Variants in HIBCH observed in about 807,000 individuals in gnomAD.
HIBCH encodes 3-hydroxyisobutyryl-CoA hydrolase.
In HIBCH, 50 loss-of-function variants were observed where a neutral mutation model predicts 58.2. The ratio of observed to expected loss-of-function variants is 0.86; its 90% CI spans 0.68 to 1.09. HIBCH has a LOEUF of 1.09. Among genes scored for constraint, HIBCH ranks in the 50% least tolerant of loss-of-function variants. HIBCH has a pLI of 0.00. For synonymous variants in HIBCH, 151 were observed against 146.9 expected, an observed-to-expected ratio of 1.03 and a Z score of -0.20; for missense variants, 450 against 449.7, an observed-to-expected ratio of 1.00 and a Z score of -0.01.
intron 8 of HIBCH, among the ~76,000 whole-genome samples, chr2:190,249,968 T>C (rs1039086952): frequency 2.0e-5 from 3 of 152,214 alleles, no homozygotes; most frequent in African/African-American, 7.2e-5. Flanking sequence ...TAGAGACTTT[T>C]GTTTCTCAGC....
At chr2:190,260,341 A>G (rs1377217298) in intron 7 of HIBCH, 3 of 152,214 alleles carry the variant, frequency 2.0e-5, no homozygotes, top group Admixed American at 6.5e-5. Flanking sequence ...ATGACAAAAG[A>G]TAAGACCTAT....
At chr2:190,273,338 A>G (rs1259049262) in intron 6 of HIBCH, among the ~76,000 whole-genome samples, 2 of 152,238 alleles carry the variant, frequency 1.3e-5, no homozygotes, top group African/African-American at 4.8e-5. Context: ...GGTTGCAGTG[A>G]GCCAAGATCA....
chr2:190,228,538 TA>T (rs2105917413), intron 11 of HIBCH, among the ~76,000 whole-genome samples: 1 of 135,876 alleles, frequency 7.4e-6, no homozygotes, highest in African/African-American at 3.0e-5. Flanking sequence ...CCCTAGAACT[TA>T]AAGTATAATT....
chr2:190,261,236 T>C lies in HIBCH; in HGVS notation c.439-2A>G, dbSNP rs1180861300. 2 of 1,609,452 alleles carry C rather than the reference T, an allele frequency of 1.2e-6. No individual in the cohort carries two copies. Among genetic ancestry groups the C allele is most frequent in the Non-Finnish European group, 1.7e-6 (2 of 1,176,776 alleles). On this transcript the variant is annotated splice_acceptor_variant, in intron 6 of 13. Coordinates refer to ENST00000359678, the MANE Select transcript of HIBCH (RefSeq NM_014362.4). LOFTEE classifies it high-confidence loss of function. ...CCCATGGACTGAGAGACCAACTCCC[T>C]AGAGAAAAAAGGCAAAAAAAGAGGC...
At chr2:190,234,368 C>A in intron 11 of HIBCH, among the ~76,000 whole-genome samples, 1 of 152,170 alleles carries the variant, frequency 6.6e-6, no homozygotes. Flanking sequence ...CTGTTTACAG[C>A]AGAATTATTT....
In HIBCH at chr2:190,306,459, G is replaced by A. The variant is rs1688409161; in HGVS notation, c.78+4295C>T. On this transcript the variant is annotated intron_variant, in intron 2 of 13. Coordinates refer to ENST00000359678, the MANE Select transcript of HIBCH (RefSeq NM_014362.4). This position sits in a 1 kb window ranked among gnomAD's most constrained non-coding sequence, Gnocchi z 4.6. Reference sequence around the variant, plus strand: ...GTAATGTCTTCCTCTGGGACAGACAGCAGACTTATTTACAGCTTACTAAAA... The same window carrying A: ...GTAATGTCTTCCTCTGGGACAGACAACAGACTTATTTACAGCTTACTAAAA... Among the ~76,000 whole-genome samples the A allele has an allele frequency of 6.6e-6, 1 of 152,122 alleles. No homozygotes were observed. The highest frequency in any genetic ancestry group is 1.5e-5 in the Non-Finnish European group (1 of 68,020).
chr2:190,311,425 A>G (rs1436286871), intron 1 of HIBCH, among the ~76,000 whole-genome samples: 4 of 152,230 alleles, frequency 2.6e-5, no homozygotes, highest in South Asian at 2.1e-4. Context: ...CCATCAACTT[A>G]TAACTACTCT....
In HIBCH at chr2:190,302,819, C is replaced by T. The variant is rs148983120; in HGVS notation, c.79-5866G>A. On this transcript the variant is annotated intron_variant, in intron 2 of 13. Coordinates refer to ENST00000359678, the MANE Select transcript of HIBCH (RefSeq NM_014362.4). The stretch of plus-strand genomic sequence containing the variant: ...AACTGAATTACACATTATGACATAA[C>T]CTCAGTGAAGTGACTGTGGTGATAA... Among the ~76,000 whole-genome samples, 36 of 152,200 alleles carry T rather than the reference C, an allele frequency of 2.4e-4. 1 individual carries two copies. In the East Asian group the frequency reaches 7.0e-3, roughly 29 times the overall value.
At chr2:190,258,109 C>T (rs1306897103) in intron 7 of HIBCH, among the ~76,000 whole-genome samples, 1 of 152,028 alleles carries the variant, frequency 6.6e-6, no homozygotes, top group Non-Finnish European at 1.5e-5. Flanking sequence ...GGCAGATTTC[C>T]CCCTTGCTGT....
In HIBCH at chr2:190,254,426, T is replaced by C. The variant is rs534974912; in HGVS notation, c.518-2119A>G. 2.6e-5 allele frequency among the ~76,000 whole-genome samples: 4 copies of C among 152,218 alleles called. No homozygotes were observed. Among genetic ancestry groups the C allele is most frequent in the South Asian group, 4.2e-4 (2 of 4,818 alleles). On this transcript the variant is annotated intron_variant, in intron 7 of 13. Transcript: ENST00000359678. This position sits in a 1 kb window ranked among gnomAD's most constrained non-coding sequence, Gnocchi z 5.0. ...ATCTCAGCCTTTCAATCTCCAGAAC[T>C]GTGAGAAAAAAAATTTCTACTGTTT... is the stretch of plus-strand genomic sequence containing the variant.
intron 6 of HIBCH, among the ~76,000 whole-genome samples, chr2:190,284,756 T>A (rs1687789247): frequency 6.6e-6 from 1 of 152,212 alleles, no homozygotes; most frequent in Non-Finnish European, 1.5e-5. Flanking sequence ...GTTAGCTTTT[T>A]TTTCTTAAGG....
rs570496843 is a variant in HIBCH, at chr2:190,207,046, C to T, written c.1046-1814G>A. ...CTGAGGCAGGAGAATGGTGTGAACCCGGGAGGCGGAGTTTGCAGTGAGCCG... is the reference window on the plus strand; with the variant it reads ...CTGAGGCAGGAGAATGGTGTGAACCTGGGAGGCGGAGTTTGCAGTGAGCCG... On this transcript the variant is annotated intron_variant, in intron 13 of 13. Transcript: ENST00000359678. The surrounding 1 kb of genome is among the most constrained non-coding windows in gnomAD (Gnocchi z 4.5). Among the ~76,000 whole-genome samples, 2 of 151,962 alleles carry T rather than the reference C, an allele frequency of 1.3e-5. No homozygotes were observed. The highest frequency in any genetic ancestry group is 6.5e-5 in the Admixed American group (1 of 15,274).
intron 6 of HIBCH, among the ~76,000 whole-genome samples, chr2:190,272,191 T>C (rs921862243): frequency 1.3e-5 from 2 of 152,220 alleles, no homozygotes; most frequent in African/African-American, 4.8e-5. Flanking sequence ...CATATTTGCC[T>C]GTTTGGACAG....
At chr2:190,259,687 T>C (rs866062626) in intron 7 of HIBCH, among the ~76,000 whole-genome samples, 2 of 152,344 alleles carry the variant, frequency 1.3e-5, no homozygotes, top group Middle Eastern at 3.4e-3. Flanking sequence ...CTGATTTTTA[T>C]GTGTTGATTT....
At chr2:190,299,332 GA>G (rs1438317701) in intron 2 of HIBCH, among the ~76,000 whole-genome samples, 6 of 152,100 alleles carry the variant, frequency 3.9e-5, no homozygotes, top group African/African-American at 1.4e-4. Flanking sequence ...GATAAAAATA[GA>G]AATAATTTAT....
In HIBCH at chr2:190,226,394, G is replaced by A. The variant is rs1327571785; in HGVS notation, c.892-13319C>T. Among the ~76,000 whole-genome samples, 7 of 152,186 alleles carry A rather than the reference G, an allele frequency of 4.6e-5. No homozygotes were observed. In the East Asian group the frequency reaches 9.7e-4, roughly 21 times the overall value. ...GCAGATCACCTGAGGTCAGGAGTTCGAGACCAGCCTGACCAACATGGAGAA... is the reference window on the plus strand; with the variant it reads ...GCAGATCACCTGAGGTCAGGAGTTCAAGACCAGCCTGACCAACATGGAGAA... On this transcript the variant is annotated intron_variant, in intron 11 of 13. Coordinates refer to ENST00000359678, the MANE Select transcript of HIBCH (RefSeq NM_014362.4).
intron 6 of HIBCH, among the ~76,000 whole-genome samples, chr2:190,262,309 T>A (rs1418815040): frequency 6.6e-6 from 1 of 152,188 alleles, no homozygotes; most frequent in East Asian, 1.9e-4. Flanking sequence ...AGCCCACACC[T>A]GCAGTCCAAT....
At position 190,203,981 on chromosome 2, in the gene HIBCH, TTG is replaced by T. The variant is rs1690326642; in HGVS notation, c.*1134_*1135del. ...AATTACAAACAAAAAATTATAAATT[TTG>T]TTTGTTAATTTATAAACTTACCTTT... On this transcript the variant is annotated 3_prime_UTR_variant, in exon 14 of 14. Transcript: ENST00000359678. The T allele has an allele frequency of 6.6e-6, 1 of 150,964 alleles. No homozygotes were observed. Among genetic ancestry groups the T allele is most frequent in the African/African-American group, 2.4e-5 (1 of 41,356 alleles). The allele number at this position is 150,964 out of a possible 1,614,324, so 9.4% of individuals were successfully genotyped here.
At chr2:190,234,832 T>C (rs35046568) in intron 11 of HIBCH, among the ~76,000 whole-genome samples, 3,254 of 150,338 alleles carry the variant, frequency 0.022, 120 homozygotes, top group African/African-American at 0.074. Context: ...AGAGCAAGAC[T>C]CTAAAAAAAA....
Sources: allele counts gnomAD v4.1 joint callset (sites outside exome capture counted in the v4.1 genomes callset), GRCh38; gene constraint gnomAD v4.1.1; non-coding constraint Gnocchi (gnomAD v3.1); transcripts MANE v1.5; gene names NCBI Gene and HGNC (gene_info 2026-07-23, HGNC 2026-07-21).